Variants in FSTL5 observed in about 807,000 individuals in gnomAD.
FSTL5 encodes the protein follistatin-related protein 5.
FSTL5 carries 62 observed loss-of-function variants against 89.1 expected under a neutral mutation model. The ratio of observed to expected loss-of-function variants is 0.70; its 90% CI spans 0.57 to 0.86. FSTL5 has a LOEUF of 0.86. Ranked by LOEUF, FSTL5 falls within the 40% of genes least tolerant of loss-of-function variation. FSTL5 has a pLI of 0.00. For synonymous variants in FSTL5, 383 were observed against 346.2 expected, an observed-to-expected ratio of 1.11 and a Z score of -1.18; for missense variants, 1,057 against 1,001.6, an observed-to-expected ratio of 1.06 and a Z score of -0.75.
At chr4:162,056,628 C>A (rs1207177337) in intron 2 of FSTL5, among the ~76,000 whole-genome samples, 1 of 152,040 alleles carries the variant, frequency 6.6e-6, no homozygotes, top group Non-Finnish European at 1.5e-5. Flanking sequence ...CATGCAAAAT[C>A]ACTATTTATT....
At chr4:161,894,981 C>G (rs1470118310) in intron 4 of FSTL5, among the ~76,000 whole-genome samples, 1 of 152,192 alleles carries the variant, frequency 6.6e-6, no homozygotes, top group Non-Finnish European at 1.5e-5. Context: ...CATACACATG[C>G]TACTTATTAT....
intron 13 of FSTL5, among the ~76,000 whole-genome samples, chr4:161,467,875 T>G (rs1379885654): frequency 6.6e-6 from 1 of 152,116 alleles, no homozygotes; most frequent in Non-Finnish European, 1.5e-5. Flanking sequence ...AAAAGATAAA[T>G]GTATGTATTT....
intron 15 of FSTL5, among the ~76,000 whole-genome samples, chr4:161,441,997 A>G (rs1010555148): frequency 1.3e-5 from 2 of 152,096 alleles, no homozygotes; most frequent in Non-Finnish European, 2.9e-5. Flanking sequence ...AGAAAAGTGA[A>G]ACTTCAGCTT....
At chr4:162,003,697 G>A (rs13104929) in intron 3 of FSTL5, among the ~76,000 whole-genome samples, 26,390 of 152,106 alleles carry the variant, frequency 0.17, 2,943 homozygotes, top group Non-Finnish European at 0.25. Flanking sequence ...TATTGTAAAT[G>A]TGTATGTAAA....
chr4:161,754,034 A>G (rs1166497445), intron 6 of FSTL5, among the ~76,000 whole-genome samples: 1 of 103,986 alleles, frequency 9.6e-6, no homozygotes. Flanking sequence ...AGAGCAAGAC[A>G]CCGTCTCAAT....
At chr4:161,797,642 T>A (rs570521937) in intron 4 of FSTL5, among the ~76,000 whole-genome samples, 1 of 151,652 alleles carries the variant, frequency 6.6e-6, no homozygotes, top group African/African-American at 2.4e-5. Context: ...AAAATGGATT[T>A]AAAAACAAAG....
intron 12 of FSTL5, among the ~76,000 whole-genome samples, chr4:161,483,056 A>G (rs533774058): frequency 1.3e-5 from 2 of 152,334 alleles, no homozygotes; most frequent in East Asian, 3.9e-4. Context: ...CAACCTGAGT[A>G]AAGTCCTTGG....
chr4:161,617,075 T>C (rs1233511806), intron 7 of FSTL5, among the ~76,000 whole-genome samples: 1 of 151,756 alleles, frequency 6.6e-6, no homozygotes, highest in Non-Finnish European at 1.5e-5. Context: ...GTATTACAAA[T>C]AGGTTCAAGG....
rs1322032189 is a variant in FSTL5, at chr4:161,920,430, A to C, written c.383T>G (p.Val128Gly). 1 of 1,614,052 alleles carries C rather than the reference A, an allele frequency of 6.2e-7. No individual in the cohort carries two copies. Among genetic ancestry groups the C allele is most frequent in the Non-Finnish European group, 8.5e-7 (1 of 1,179,960 alleles). Residue 128 changes from valine (V) to glycine (G), a missense_variant, in exon 4 of 16, where the codon GTT becomes GGT. By Grantham distance (109) the Val-to-Gly change is moderately radical (BLOSUM62 -3). Around this residue, in one of 3 missense-constraint regions of FSTL5, gnomAD observed 980 missense variants for 903.2 expected, o/e 1.08. Transcript: ENST00000306100. The stretch of plus-strand genomic sequence containing the variant: ...TTTAAAGAAGCAGTCTTCATTGTGA[A>C]CAATGGTAATCTTTTGTTTTTTCAG... ...ACLKKQKITI[V>G]HNEDCFFKGD...
chr4:161,537,895 C>G (rs889260956), intron 10 of FSTL5, among the ~76,000 whole-genome samples: 1 of 152,014 alleles, frequency 6.6e-6, no homozygotes, highest in African/African-American at 2.4e-5. Flanking sequence ...TAAATTCCTC[C>G]AAGAGCAAAT....
At chr4:161,888,807 T>G (rs574679099) in intron 4 of FSTL5, among the ~76,000 whole-genome samples, 1 of 152,166 alleles carries the variant, frequency 6.6e-6, no homozygotes, top group East Asian at 1.9e-4. Flanking sequence ...GATGATTAAT[T>G]TCAATTATTA....
intron 15 of FSTL5, among the ~76,000 whole-genome samples, chr4:161,450,469 A>G (rs969753847): frequency 7.9e-5 from 12 of 152,180 alleles, no homozygotes; most frequent in African/African-American, 2.9e-4. Flanking sequence ...CAAATCTCCT[A>G]TGCATTAGCC....
intron 7 of FSTL5, among the ~76,000 whole-genome samples, chr4:161,593,518 G>C (rs181413048): frequency 1.0e-3 from 158 of 151,122 alleles, no homozygotes; most frequent in African/African-American, 3.4e-3. Context: ...GAGAGAAAGA[G>C]ATAAATGGGG....
intron 8 of FSTL5, among the ~76,000 whole-genome samples, chr4:161,573,753 A>G (rs11723374): frequency 0.17 from 22,591 of 130,602 alleles, 1,939 homozygotes; most frequent in Non-Finnish European, 0.21. Flanking sequence ...AAAAAAAAAA[A>G]AAAAGAAAAG....
At chr4:161,776,163 A>T in intron 4 of FSTL5, 89 bp from the exon 5 acceptor site, 1 of 664,914 alleles carries the variant, frequency 1.5e-6, no homozygotes, top group Non-Finnish European at 2.3e-6. Context: ...TTTATGAATA[A>T]CATACTATGT....
intron 8 of FSTL5, among the ~76,000 whole-genome samples, chr4:161,570,289 A>T (rs1281488630): frequency 6.6e-6 from 1 of 152,162 alleles, no homozygotes; most frequent in Non-Finnish European, 1.5e-5. Flanking sequence ...ATTTAAGCAG[A>T]GTTGAAAGAG....
At chr4:162,155,125 G>A (rs954608199) in intron 1 of FSTL5, among the ~76,000 whole-genome samples, 2 of 152,102 alleles carry the variant, frequency 1.3e-5, no homozygotes, top group Non-Finnish European at 2.9e-5. Flanking sequence ...ATAGACCATG[G>A]CAAAGGTAAT....
In FSTL5 at chr4:161,684,252, CTT is replaced by C. The variant is rs750405498; in HGVS notation, c.728-27760_728-27759del. 2.8e-4 allele frequency among the ~76,000 whole-genome samples: 42 copies of C among 152,248 alleles called. No individual in the cohort carries two copies. In the Middle Eastern group the frequency reaches 0.01, roughly 37 times the overall value. On this transcript the variant is annotated intron_variant, in intron 6 of 15. Transcript: ENST00000306100. ...GCTATAAACACGTGTGTGCAAGTAT[CTT>C]TTTGTATAATGACTTATTTTGCTCT...
intron 3 of FSTL5, among the ~76,000 whole-genome samples, chr4:161,977,639 A>AAAAATAAAAAT (rs1553988132): frequency 9.9e-6 from 1 of 101,244 alleles, no homozygotes; most frequent in African/African-American, 4.1e-5. Flanking sequence ...AAAAAAAAAA[A>AAAAATAAAAAT]AATAATAATA....
Sources: allele counts gnomAD v4.1 joint callset (sites outside exome capture counted in the v4.1 genomes callset), GRCh38; gene constraint gnomAD v4.1.1; regional missense constraint gnomAD v4.1.1; transcripts MANE v1.5; gene names NCBI Gene and HGNC (gene_info 2026-07-23, HGNC 2026-07-21).